ESR1: variants seen among roughly 807,000 people sequenced by gnomAD.
ESR1 encodes estrogen receptor 1.
A neutral mutation model predicts 52.7 loss-of-function variants in ESR1; 12 were observed. The ratio of observed to expected loss-of-function variants is 0.23; its 90% CI spans 0.15 to 0.37. The LOEUF (loss-of-function observed/expected upper bound fraction) is 0.37, where lower values mean the gene tolerates loss of function less well. Ranked by LOEUF, ESR1 falls within the 10% of genes least tolerant of loss-of-function variation. The probability of loss-of-function intolerance (pLI) is 1.00; values close to 1 mark genes in which losing one functional copy is unlikely to be tolerated. For synonymous variants in ESR1, 305 were observed against 316.8 expected, an observed-to-expected ratio of 0.96 and a Z score of 0.39; for missense variants, 584 against 779.7, an observed-to-expected ratio of 0.75 and a Z score of 2.99.
Position 152,004,552 on chromosome 6 carries a change from T to C in ESR1, c.1097-7104T>C, listed in dbSNP as rs76178996. ...AGGCCTTCTACTGGTTTTTATCCTC[T>C]ATTTAGATAAAAATGAGGAAGAAGT... On this transcript the variant is annotated intron_variant, in intron 4 of 7. Transcript: ENST00000206249. Among the ~76,000 whole-genome samples the C allele has an allele frequency of 2.5e-4, 38 of 152,096 alleles. No individual in the cohort carries two copies. In the East Asian group the frequency reaches 5.0e-3, roughly 20 times the overall value.
At chr6:152,063,095 T>C (rs967947479) in intron 6 of ESR1, among the ~76,000 whole-genome samples, 1 of 152,178 alleles carries the variant, frequency 6.6e-6, no homozygotes, top group Non-Finnish European at 1.5e-5. Flanking sequence ...CTCAAGACTA[T>C]ATTTCTCACT....
In ESR1 at chr6:151,736,375, G is replaced by GTT. The variant is rs10624912; in HGVS notation, c.-71+34384_-71+34385dup. Among the ~76,000 whole-genome samples, 62 of 112,718 alleles carry GTT rather than the reference G, an allele frequency of 5.5e-4. 7 individuals carry two copies. Among genetic ancestry groups the GTT allele is most frequent in the African/African-American group, 1.8e-3 (48 of 26,176 alleles). 73.9% of individuals were successfully genotyped at this position (112,718 alleles called of 152,430 possible). On this transcript the variant is annotated intron_variant, in intron 2 of 2. Coordinates refer to the ESR1 transcript ENST00000404742. ...AAATACTTACTGTATTCCAGGTAGT[G>GTT]TTTTTTTTTTTTTTTGAGATGGAGT...
chr6:152,018,311 CAAA>C (rs149653343), intron 5 of ESR1, among the ~76,000 whole-genome samples: 5 of 136,418 alleles, frequency 3.7e-5, no homozygotes, highest in South Asian at 2.3e-4. Flanking sequence ...AAAAAATATG[CAAA>C]AAAAAAAATG....
At chr6:152,051,367 A>C (rs1293988711) in intron 5 of ESR1, among the ~76,000 whole-genome samples, 1 of 152,196 alleles carries the variant, frequency 6.6e-6, no homozygotes, top group Non-Finnish European at 1.5e-5. Context: ...AAAACAAAAC[A>C]AAAACAAACA....
At chr6:152,020,524 C>T (rs1012542929) in intron 5 of ESR1, among the ~76,000 whole-genome samples, 8 of 150,318 alleles carry the variant, frequency 5.3e-5, no homozygotes, top group African/African-American at 2.0e-4. Flanking sequence ...GATCTCGGCT[C>T]ACTTCAATTT....
chr6:151,804,719 C>T (rs1042658755), upstream of ESR1: 13 of 152,130 alleles, frequency 8.5e-5, no homozygotes, highest in African/African-American at 2.4e-4. Context: ...GTCCCAGGGC[C>T]AGAGACCGGC....
Position 151,663,461 on chromosome 6 carries a change from A to G in ESR1, n.73+6698A>G, listed in dbSNP as rs545726998. Reference sequence around the variant, plus strand: ...TAGCATTGACTCAAACAGTTCTCTTAGAAGGGCTGGCACCTTTTGTTTCAA... The same window carrying G: ...TAGCATTGACTCAAACAGTTCTCTTGGAAGGGCTGGCACCTTTTGTTTCAA... On this transcript the variant is annotated intron_variant and non_coding_transcript_variant, in intron 1 of 2. Coordinates refer to the ESR1 transcript ENST00000473497. Among the ~76,000 whole-genome samples the G allele has an allele frequency of 9.2e-5, 14 of 152,384 alleles. No individual in the cohort carries two copies. The East Asian group carries it at 2.1e-3, about 23-fold the overall frequency.
At chr6:152,055,784 T>C (rs1430825087) in intron 5 of ESR1, among the ~76,000 whole-genome samples, 1 of 152,192 alleles carries the variant, frequency 6.6e-6, no homozygotes, top group Non-Finnish European at 1.5e-5. Context: ...TCACAGCAGA[T>C]ATTTTGCAGT....
intron 4 of ESR1, among the ~76,000 whole-genome samples, chr6:151,994,900 C>G (rs185506632): frequency 2.6e-5 from 4 of 152,278 alleles, no homozygotes; most frequent in African/African-American, 9.6e-5. Flanking sequence ...ATTTCCAAGG[C>G]AGGCGTTTTG....
At chr6:151,665,189 T>C (rs1272892929) in intron 1 of ESR1, among the ~76,000 whole-genome samples, 1 of 152,186 alleles carries the variant, frequency 6.6e-6, no homozygotes, top group African/African-American at 2.4e-5. Flanking sequence ...CATGGTCGCC[T>C]TGAAGCCCTG....
chr6:151,683,220 G>T (rs1778524637), intron 1 of ESR1, among the ~76,000 whole-genome samples: 1 of 152,108 alleles, frequency 6.6e-6, no homozygotes, highest in Non-Finnish European at 1.5e-5. Context: ...GGGACTTGGG[G>T]ACATGTCCTT....
chr6:151,969,126 G>A (rs1457023520), intron 4 of ESR1, among the ~76,000 whole-genome samples: 1 of 152,158 alleles, frequency 6.6e-6, no homozygotes, highest in Non-Finnish European at 1.5e-5. Flanking sequence ...AGGGTGCTTT[G>A]CATTGGTGAA....
chr6:151,798,421 T>C (rs1328154274), intron 2 of ESR1, among the ~76,000 whole-genome samples: 2 of 152,226 alleles, frequency 1.3e-5, no homozygotes, highest in African/African-American at 4.8e-5. Flanking sequence ...TAGAATTTGG[T>C]ATAAGAATTT....
Position 152,077,050 on chromosome 6 carries a change from C to T in ESR1, c.1369+15926C>T, listed in dbSNP as rs529031669. 2.8e-4 allele frequency among the ~76,000 whole-genome samples: 43 copies of T among 152,278 alleles called. 1 individual carries two copies. Among genetic ancestry groups the T allele is most frequent in the African/African-American group, 7.9e-4 (33 of 41,556 alleles). ...TGGGGAAAATGTCTCCAGAGCATGT[C>T]ATAGGTCTTCATGGCAGCCCCTCCC... On this transcript the variant is annotated intron_variant, in intron 6 of 7. Coordinates refer to ENST00000206249, the MANE Select transcript of ESR1 (RefSeq NM_000125.4).
chr6:152,105,076 C>T (rs2051047494), downstream of ESR1, among the ~76,000 whole-genome samples: 3 of 152,196 alleles, frequency 2.0e-5, no homozygotes, highest in Admixed American at 6.5e-5. Flanking sequence ...GGAGGCTCTT[C>T]GCACCTTCCC....
chr6:151,941,287 T>C (rs1301553932), intron 3 of ESR1, among the ~76,000 whole-genome samples: 1 of 152,204 alleles, frequency 6.6e-6, no homozygotes, highest in Non-Finnish European at 1.5e-5. Flanking sequence ...ATCTTTCCTG[T>C]AAGGCTTGAT....
chr6:151,964,995 A>G (rs2982699), intron 4 of ESR1, among the ~76,000 whole-genome samples: 122,819 of 152,072 alleles, frequency 0.81, 49,946 homozygotes, highest in Middle Eastern at 0.9. Flanking sequence ...CATGAAAATG[A>G]TAAAGAAGTT....
At chr6:152,092,159 C>T (rs1267414965) in intron 6 of ESR1, among the ~76,000 whole-genome samples, 1 of 152,232 alleles carries the variant, frequency 6.6e-6, no homozygotes, top group Non-Finnish European at 1.5e-5. Context: ...TTCTGATAGA[C>T]ACATTCTTTC....
At chr6:151,882,502 G>A (rs1358343125) in intron 3 of ESR1, among the ~76,000 whole-genome samples, 2 of 152,148 alleles carry the variant, frequency 1.3e-5, no homozygotes, top group Non-Finnish European at 2.9e-5. Flanking sequence ...AATTAGTCAG[G>A]CTTAATTAAA....
Sources: allele counts gnomAD v4.1 joint callset (sites outside exome capture counted in the v4.1 genomes callset), GRCh38; gene constraint gnomAD v4.1.1; transcripts MANE v1.5; gene names NCBI Gene and HGNC (gene_info 2026-07-23, HGNC 2026-07-21).